PHACTR1: variants seen among roughly 807,000 people sequenced by gnomAD.
PHACTR1 encodes the protein phosphatase and actin regulator 1, also known as RPEL repeat containing 1.
Under a neutral mutation model 69.2 loss-of-function variants are expected in PHACTR1, and 16 were observed. The observed-to-expected ratio is 0.23, with a 90% CI of 0.16 to 0.35. The LOEUF (loss-of-function observed/expected upper bound fraction) is 0.35, where lower values mean the gene tolerates loss of function less well. PHACTR1 is among the 10% of genes least tolerant of loss of function. The pLI is 1.00. For synonymous variants in PHACTR1, 312 were observed against 284.5 expected (o/e 1.10, Z -0.97); for missense variants, 510 against 734.7 (o/e 0.69, Z 3.54).
intron 4 of PHACTR1, among the ~76,000 whole-genome samples, chr6:12,877,863 G>C (rs1782696970): frequency 6.6e-6 from 1 of 152,180 alleles, no homozygotes; most frequent in African/African-American, 2.4e-5. Context: ...AGGCTTTGGA[G>C]TTTAATGGAA....
intron 4 of PHACTR1, among the ~76,000 whole-genome samples, chr6:13,004,512 A>G (rs990771243): frequency 1.3e-5 from 2 of 152,094 alleles, no homozygotes; most frequent in African/African-American, 2.4e-5. Context: ...AGTTCTTTGT[A>G]GATTCTGAAT....
intron 3 of PHACTR1, among the ~76,000 whole-genome samples, chr6:12,729,495 G>T (rs1763210955): frequency 6.6e-6 from 1 of 152,180 alleles, no homozygotes; most frequent in Non-Finnish European, 1.5e-5. Context: ...GATCCATCTG[G>T]AGAACTGCAC....
intron 4 of PHACTR1, among the ~76,000 whole-genome samples, chr6:13,021,959 C>T (rs59553134): frequency 0.017 from 2,521 of 152,286 alleles, 72 homozygotes; most frequent in African/African-American, 0.058. Flanking sequence ...GTCAGAGTAG[C>T]TCATGGCTTC....
At chr6:12,998,000 C>T (rs999753369) in intron 4 of PHACTR1, among the ~76,000 whole-genome samples, 2 of 152,088 alleles carry the variant, frequency 1.3e-5, no homozygotes, top group African/African-American at 4.8e-5. Context: ...TTATTAACTA[C>T]AGTTACCCTA....
chr6:13,251,764 G>A lies in PHACTR1; in HGVS notation c.1392-21096G>A, dbSNP rs533961305. Among the ~76,000 whole-genome samples, 13 of 142,404 alleles carry A rather than the reference G, an allele frequency of 9.1e-5. No homozygotes were observed. The South Asian group carries it at 1.3e-3, about 14-fold the overall frequency. 93.4% of individuals were successfully genotyped at this position (142,404 alleles called of 152,430 possible). On this transcript the variant is annotated intron_variant, in intron 10 of 14. Transcript: ENST00000332995. ...TCTCAAGCCATTGAGTAGATTAGCT[G>A]AAGAATTAGTGAAAAATCATTTAAA... is the stretch of plus-strand genomic sequence containing the variant.
chr6:12,924,879 C>T (rs554146624), intron 4 of PHACTR1, among the ~76,000 whole-genome samples: 4 of 152,018 alleles, frequency 2.6e-5, no homozygotes, highest in Admixed American at 2.0e-4. Flanking sequence ...GTTTTTCTTA[C>T]GTATTTGTAT....
intron 4 of PHACTR1, among the ~76,000 whole-genome samples, chr6:12,982,620 G>A (rs936795299): frequency 6.6e-6 from 1 of 152,192 alleles, no homozygotes. Flanking sequence ...GGAGGTTGCA[G>A]CGAGCCTGGG....
intron 4 of PHACTR1, among the ~76,000 whole-genome samples, chr6:12,797,040 T>TGA (rs1554140349): frequency 0.025 from 3,358 of 133,236 alleles, 61 homozygotes; most frequent in East Asian, 0.052. Context: ...TGTGTGTGTG[T>TGA]GAGAGAGAGA....
chr6:12,760,661 G>A (rs1183634060), intron 4 of PHACTR1, among the ~76,000 whole-genome samples: 3 of 152,166 alleles, frequency 2.0e-5, no homozygotes, highest in Non-Finnish European at 2.9e-5. Flanking sequence ...GGCCAGGTGC[G>A]GTGGCTCACG....
At chr6:13,229,921 A>G in intron 9 of PHACTR1, 116 bp from the exon 10 acceptor site, 1 of 1,204,024 alleles carries the variant, frequency 8.3e-7, no homozygotes, top group Non-Finnish European at 1.1e-6. Context: ...AACCACTTTC[A>G]GGTGTTAAAA....
intron 7 of PHACTR1, among the ~76,000 whole-genome samples, chr6:13,195,267 C>T (rs568731626): frequency 5.9e-5 from 9 of 152,286 alleles, no homozygotes; most frequent in Admixed American, 1.3e-4. Context: ...CCACCATCTT[C>T]AGGTGGAGTA....
chr6:13,117,233 A>T (rs973247257), intron 5 of PHACTR1, among the ~76,000 whole-genome samples: 1 of 152,238 alleles, frequency 6.6e-6, no homozygotes, highest in Non-Finnish European at 1.5e-5. Flanking sequence ...TTGTAGCAGT[A>T]AAGACAAGAG....
At chr6:13,092,144 C>T (rs138865503) in intron 5 of PHACTR1, among the ~76,000 whole-genome samples, 6 of 152,216 alleles carry the variant, frequency 3.9e-5, no homozygotes, top group Admixed American at 2.0e-4. Context: ...TGACAGGAGA[C>T]GGAGCTCAGG....
rs1215055032 is a variant in PHACTR1 at position 13,190,198 on chromosome 6, A to ATTTTTTTTTTTTTTTT, written c.664+7513_664+7528dup. On this transcript the variant is annotated intron_variant, in intron 7 of 14. Transcript: ENST00000332995. ...GCCACTATGCTCAGCTAATTTTTGT[A>ATTTTTTTTTTTTTTTT]TTTTTTTTTTTTTTTTAGTAGAGGT... Among the ~76,000 whole-genome samples, 84 of 87,226 alleles carry ATTTTTTTTTTTTTTTT rather than the reference A, an allele frequency of 9.6e-4. 7 individuals carry two copies. Among genetic ancestry groups the ATTTTTTTTTTTTTTTT allele is most frequent in the East Asian group, 3.7e-3 (10 of 2,700 alleles). 57.2% of individuals were successfully genotyped at this position (87,226 alleles called of 152,430 possible).
intron 7 of PHACTR1, among the ~76,000 whole-genome samples, chr6:13,202,881 G>A (rs1765420351): frequency 6.6e-6 from 1 of 152,238 alleles, no homozygotes; most frequent in Non-Finnish European, 1.5e-5. Flanking sequence ...TAGCTAGCCT[G>A]CCTGTTAAGT....
chr6:12,924,134 T>A (rs1788007298), intron 4 of PHACTR1, among the ~76,000 whole-genome samples: 1 of 152,202 alleles, frequency 6.6e-6, no homozygotes, highest in Non-Finnish European at 1.5e-5. Flanking sequence ...TATAAAATAT[T>A]TGCCCTTAAA....
chr6:12,859,503 G>A (rs557897208), intron 4 of PHACTR1, among the ~76,000 whole-genome samples: 2 of 152,186 alleles, frequency 1.3e-5, no homozygotes, highest in Non-Finnish European at 2.9e-5. Flanking sequence ...TACCAATGAT[G>A]CTATGCTAAG....
At chr6:13,286,064 T>C (rs186331195) in intron 13 of PHACTR1, 82 bp from the exon 14 acceptor site, 2 of 1,181,364 alleles carry the variant, frequency 1.7e-6, no homozygotes, top group Admixed American at 6.1e-5. Context: ...AGAAGAAAAA[T>C]ATGTTGTTAG....
chr6:13,244,556 C>A (rs942400226), intron 10 of PHACTR1, among the ~76,000 whole-genome samples: 2 of 152,238 alleles, frequency 1.3e-5, no homozygotes, highest in African/African-American at 4.8e-5. Context: ...AGAGACCTAA[C>A]CCTAGCTGCA....
Sources: allele counts gnomAD v4.1 joint callset (sites outside exome capture counted in the v4.1 genomes callset), GRCh38; gene constraint gnomAD v4.1.1; transcripts MANE v1.5; gene names NCBI Gene and HGNC (gene_info 2026-07-23, HGNC 2026-07-21).